The following EPS8 variants were observed in gnomAD, a reference collection of about 807,000 sequenced individuals.
EPS8 encodes the protein epidermal growth factor receptor kinase substrate 8.
In EPS8, 42 loss-of-function variants were observed where a neutral mutation model predicts 103.8. That is an observed-to-expected ratio of 0.40 (90% CI 0.32 to 0.52). The LOEUF (loss-of-function observed/expected upper bound fraction) is 0.52, where lower values mean the gene tolerates loss of function less well. Ranked by LOEUF, EPS8 falls within the 20% of genes least tolerant of loss-of-function variation. The pLI, the probability that EPS8 is intolerant of heterozygous loss-of-function variation, is 0.40. For missense variants in EPS8, 969 were observed against 1,005.1 expected (o/e 0.96, Z 0.49); for synonymous variants, 344 against 344.6 (o/e 1.00, Z 0.02).
rs1364397401 is a variant in EPS8, at chr12:15,747,220, C to T, written c.-22+41941G>A. On this transcript the variant is annotated intron_variant, in intron 1 of 20. Transcript: ENST00000281172. This position sits in a 1 kb window ranked among gnomAD's most constrained non-coding sequence, Gnocchi z 4.4. The stretch of plus-strand genomic sequence containing the variant: ...TTTGGATATTAACTTTAAAACTTAA[C>T]CTGTATAAACTGTGGCTCTAATGTA... Among the ~76,000 whole-genome samples, 1 of 152,068 alleles carries T rather than the reference C, an allele frequency of 6.6e-6. No homozygotes were observed. Among genetic ancestry groups the T allele is most frequent in the Non-Finnish European group, 1.5e-5 (1 of 68,020 alleles).
intron 11 of EPS8, 142 bp from the exon 12 acceptor site, chr12:15,658,295 G>A: frequency 1.5e-6 from 1 of 678,006 alleles, no homozygotes; most frequent in East Asian, 2.7e-5. Flanking sequence ...AGTGAGAATA[G>A]AAGTCATTGT....
At chr12:15,753,274 T>A (rs1048590374) in intron 1 of EPS8, among the ~76,000 whole-genome samples, 2 of 152,142 alleles carry the variant, frequency 1.3e-5, no homozygotes, top group Admixed American at 6.5e-5. Flanking sequence ...TAAGTAAAAT[T>A]GTAAGAATGC....
At chr12:15,648,174 C>A (rs989721988) in intron 14 of EPS8, among the ~76,000 whole-genome samples, 1 of 152,192 alleles carries the variant, frequency 6.6e-6, no homozygotes, top group Non-Finnish European at 1.5e-5. Flanking sequence ...GACCCAGGAA[C>A]TGGGGACCCC....
At position 15,776,523 on chromosome 12, in the gene EPS8, C is replaced by G. The variant is rs1947208297; in HGVS notation, c.-22+12638G>C. Among the ~76,000 whole-genome samples, 1 of 152,132 alleles carries G rather than the reference C, an allele frequency of 6.6e-6. No individual in the cohort carries two copies. The highest frequency in any genetic ancestry group is 2.4e-5 in the African/African-American group (1 of 41,424). On this transcript the variant is annotated intron_variant, in intron 1 of 20. Transcript: ENST00000281172. This position sits in a 1 kb window ranked among gnomAD's most constrained non-coding sequence, Gnocchi z 4.2. ...TTTGTTACACCTAATACCCAAAACC[C>G]AAATGATGCCCACGTTAGCCCAATA...
chr12:15,681,367 C>A, intron 2 of EPS8, 65 bp from the exon 3 acceptor site: 1 of 643,606 alleles, frequency 1.6e-6, no homozygotes, highest in Non-Finnish European at 2.2e-6. Flanking sequence ...GGTTAAAGTC[C>A]AATATAAGTA....
At chr12:15,656,508 T>A (rs1011605987) in intron 12 of EPS8, among the ~76,000 whole-genome samples, 3 of 152,194 alleles carry the variant, frequency 2.0e-5, no homozygotes, top group African/African-American at 7.2e-5. Flanking sequence ...TTCCTATGTT[T>A]GTAAAGCAAT....
rs965803700 is a variant in EPS8 at position 15,779,185 on chromosome 12, T to C, written c.-22+9976A>G. Among the ~76,000 whole-genome samples, 2 of 152,048 alleles carry C rather than the reference T, an allele frequency of 1.3e-5. No individual in the cohort carries two copies. Among genetic ancestry groups the C allele is most frequent in the Non-Finnish European group, 2.9e-5 (2 of 68,006 alleles). On this transcript the variant is annotated intron_variant, in intron 1 of 20. Coordinates refer to ENST00000281172, the MANE Select transcript of EPS8 (RefSeq NM_004447.6). The surrounding 1 kb of genome is among the most constrained non-coding windows in gnomAD (Gnocchi z 4.3). Reference sequence around the variant, plus strand: ...TAGAGACAGGGCGTCTCTATGTTTGTCAGGCTGGTCTCGAACTCCCAAACT... The same window carrying C: ...TAGAGACAGGGCGTCTCTATGTTTGCCAGGCTGGTCTCGAACTCCCAAACT...
At chr12:15,628,835 G>A (rs1362708455) in intron 18 of EPS8, among the ~76,000 whole-genome samples, 3 of 152,096 alleles carry the variant, frequency 2.0e-5, no homozygotes, top group Admixed American at 1.3e-4. Context: ...AGATGAGTAG[G>A]CATATTTTGA....
At position 15,760,102 on chromosome 12, in the gene EPS8, C is replaced by G. The variant is rs1947025801; in HGVS notation, c.-22+29059G>C. ...AAAGAAAGATCTAAGTAAATAAAAT[C>G]AGAGATGAAAAAGTAGACATTACAG... On this transcript the variant is annotated intron_variant, in intron 1 of 20. Transcript: ENST00000281172. The surrounding 1 kb of genome is among the most constrained non-coding windows in gnomAD (Gnocchi z 4.5). Among the ~76,000 whole-genome samples, 1 of 151,678 alleles carries G rather than the reference C, an allele frequency of 6.6e-6. No individual in the cohort carries two copies. Among genetic ancestry groups the G allele is most frequent in the African/African-American group, 2.4e-5 (1 of 41,346 alleles).
rs906584914 is a variant in EPS8, at chr12:15,702,852, A to T, written c.-21-19880T>A. Among the ~76,000 whole-genome samples, 1 of 152,198 alleles carries T rather than the reference A, an allele frequency of 6.6e-6. No homozygotes were observed. The highest frequency in any genetic ancestry group is 1.5e-5 in the Non-Finnish European group (1 of 68,022). ...CATTCAATAGAGTGAGCAAAACCAC[A>T]TAATAAGTTCATTCGAGGCTGGGCG... On this transcript the variant is annotated intron_variant, in intron 1 of 20. Transcript: ENST00000281172. The surrounding 1 kb of genome is among the most constrained non-coding windows in gnomAD (Gnocchi z 5.1).
chr12:15,621,853 C>T (rs905908654), intron 20 of EPS8, among the ~76,000 whole-genome samples: 3 of 152,074 alleles, frequency 2.0e-5, no homozygotes, highest in African/African-American at 7.2e-5. Context: ...ACCCAGTTTC[C>T]CCTCCATATA....
At chr12:15,682,864 AC>A (rs1946032539) in intron 2 of EPS8, 28 bp downstream of exon 2, 2 of 1,176,022 alleles carry the variant, frequency 1.7e-6, no homozygotes, top group Admixed American at 2.0e-5. Context: ...TTCCCCCAAA[AC>A]ATATTAAATA....
intron 17 of EPS8, among the ~76,000 whole-genome samples, chr12:15,635,670 G>A (rs1432343112): frequency 6.6e-6 from 1 of 152,052 alleles, no homozygotes; most frequent in Non-Finnish European, 1.5e-5. Flanking sequence ...TATAATGAAT[G>A]AGAAGATTTT....
rs774496723 is a variant in EPS8, at chr12:15,647,197, T to C, written c.1498A>G (p.Arg500Gly). ...TCCCCTTGGTCCAGGTGGGATCCTC[T>C]TGTGTAAATGTTGCTACTGAACGCA... ...GYAFSSNIYTRGSHLDQGEAA... is the reference protein window; with the variant it reads ...GYAFSSNIYTGGSHLDQGEAA... Residue 500 changes from arginine to glycine, a missense_variant, in exon 15 of 21, where the codon AGA (arginine) becomes GGA (glycine). Arg to Gly is a moderately radical substitution (Grantham distance 125). Coordinates refer to ENST00000281172, the MANE Select transcript of EPS8 (RefSeq NM_004447.6). The C allele has an allele frequency of 2.5e-6, 4 of 1,613,872 alleles. No homozygotes were observed. Among genetic ancestry groups the C allele is most frequent in the South Asian group, 2.2e-5 (2 of 91,068 alleles).
At chr12:15,691,186 A>G (rs772933195) in intron 1 of EPS8, among the ~76,000 whole-genome samples, 1 of 150,632 alleles carries the variant, frequency 6.6e-6, no homozygotes, top group East Asian at 1.9e-4. Flanking sequence ...TTCAAGGGCA[A>G]CTAGATTAGG....
chr12:15,758,565 C>A (rs1947010904), intron 1 of EPS8, among the ~76,000 whole-genome samples: 1 of 152,132 alleles, frequency 6.6e-6, no homozygotes, highest in African/African-American at 2.4e-5. Flanking sequence ...TGGCTAGTGG[C>A]TACCATACTG....
intron 1 of EPS8, among the ~76,000 whole-genome samples, chr12:15,783,963 A>C (rs1947285651): frequency 6.6e-6 from 1 of 152,136 alleles, no homozygotes; most frequent in South Asian, 2.1e-4. Flanking sequence ...CATATGCAAA[A>C]AAAAAATTAA....
chr12:15,632,286 T>A (rs10772864), intron 17 of EPS8, among the ~76,000 whole-genome samples: 1 of 152,148 alleles, frequency 6.6e-6, no homozygotes, highest in Admixed American at 6.5e-5. Flanking sequence ...GATTGCAACT[T>A]ACAAACGAAT....
Position 15,623,151 on chromosome 12 carries a change from G to A in EPS8, c.2355+7C>T. On this transcript the variant is annotated splice_region_variant and intron_variant, in intron 20 of 20. Transcript: ENST00000281172. ...GAAAAACACCACCTTAGGTTGACAA[G>A]TCATACCTCCAATGCAGCTTTTTGT... The A allele has an allele frequency of 6.2e-7, 1 of 1,600,012 alleles. No individual in the cohort carries two copies. The highest frequency in any genetic ancestry group is 8.5e-7 in the Non-Finnish European group (1 of 1,175,884).
Sources: gnomAD v4.1 joint callset for allele counts (sites outside exome capture counted in the v4.1 genomes callset) on GRCh38, gnomAD v4.1.1 for gene constraint, Gnocchi (gnomAD v3.1) non-coding constraint, MANE v1.5 for transcripts, NCBI Gene and HGNC (gene_info 2026-07-23, HGNC 2026-07-21) for gene names.